Variants in ZMYND8 observed in about 807,000 individuals in gnomAD.
ZMYND8 encodes MYND-type zinc finger-containing chromatin reader ZMYND8.
A neutral mutation model predicts 140.8 loss-of-function variants in ZMYND8; 37 were observed. The observed-to-expected ratio is 0.26, with a 90% CI of 0.20 to 0.35. The LOEUF is 0.35. Among genes scored for constraint, ZMYND8 ranks in the 10% least tolerant of loss-of-function variants. The pLI is 1.00. For missense variants in ZMYND8, 1,068 were observed against 1,570.0 expected (o/e 0.68, Z 5.40); for synonymous variants, 592 against 597.1 (o/e 0.99, Z 0.12).
intron 2 of ZMYND8, among the ~76,000 whole-genome samples, chr20:47,338,429 A>T (rs201652613): frequency 7.4e-6 from 1 of 135,122 alleles, no homozygotes; most frequent in East Asian, 2.0e-4. Context: ...AGGCTGGAGG[A>T]AAAAAAAAAA....
At chr20:47,309,473 CT>C (rs954044763) in intron 3 of ZMYND8, among the ~76,000 whole-genome samples, 7 of 152,062 alleles carry the variant, frequency 4.6e-5, no homozygotes, top group Non-Finnish European at 8.8e-5. Context: ...GCTCAGCTAA[CT>C]TTTTTTGTAT....
At chr20:47,345,735 C>T (rs989435466) in intron 2 of ZMYND8, among the ~76,000 whole-genome samples, 2 of 151,470 alleles carry the variant, frequency 1.3e-5, no homozygotes, top group African/African-American at 2.4e-5. Flanking sequence ...TCTCGAACTC[C>T]TGAGCTCAGA....
chr20:47,258,330 T>C (rs1220385412), intron 12 of ZMYND8, among the ~76,000 whole-genome samples: 1 of 152,270 alleles, frequency 6.6e-6, no homozygotes, highest in African/African-American at 2.4e-5. Flanking sequence ...GGTAACTTGC[T>C]TCTCTGTGCC....
chr20:47,274,228 T>C (rs1477939522), intron 11 of ZMYND8, among the ~76,000 whole-genome samples: 2 of 152,248 alleles, frequency 1.3e-5, no homozygotes, highest in South Asian at 2.1e-4. Context: ...TGGTCATATA[T>C]ATGCCATGTT....
At chr20:47,229,155 T>A (rs540348693) in intron 17 of ZMYND8, among the ~76,000 whole-genome samples, 1 of 151,408 alleles carries the variant, frequency 6.6e-6, no homozygotes, top group South Asian at 2.1e-4. Flanking sequence ...CTTGTTTTTT[T>A]AAAATTTTTG....
At chr20:47,227,092 T>C in intron 18 of ZMYND8, 111 bp downstream of exon 18, 2 of 1,176,114 alleles carry the variant, frequency 1.7e-6, no homozygotes, top group South Asian at 1.3e-5. Context: ...CTACGAGTCA[T>C]ACAATCCTAG....
chr20:47,222,390 G>A (rs112284896), intron 19 of ZMYND8, among the ~76,000 whole-genome samples: 5,050 of 152,282 alleles, frequency 0.033, 283 homozygotes, highest in African/African-American at 0.11. Context: ...CAAAAAATTA[G>A]CCAGGCGTGG....
intron 4 of ZMYND8, 50 bp from the exon 5 acceptor site, chr20:47,294,829 C>A: frequency 6.6e-7 from 1 of 1,522,904 alleles, no homozygotes; most frequent in Non-Finnish European, 9.1e-7. Context: ...AAAGAAATTA[C>A]CATCCATGTA....
At chr20:47,245,193 T>C (rs2040415707) in intron 14 of ZMYND8, among the ~76,000 whole-genome samples, 1 of 152,148 alleles carries the variant, frequency 6.6e-6, no homozygotes, top group Non-Finnish European at 1.5e-5. Context: ...TGGAGATGCC[T>C]AGGTGGCATG....
intron 1 of ZMYND8, chr20:47,349,168 G>A (rs2082578488): frequency 6.6e-6 from 1 of 152,228 alleles, no homozygotes. Flanking sequence ...TCCACGTTAG[G>A]AGGAGAGGAC....
At chr20:47,292,439 G>C in intron 5 of ZMYND8, among the ~76,000 whole-genome samples, 1 of 151,570 alleles carries the variant, frequency 6.6e-6, no homozygotes, top group Non-Finnish European at 1.5e-5. Flanking sequence ...CAAAAAAATT[G>C]TGCAAACCAA....
intron 10 of ZMYND8, among the ~76,000 whole-genome samples, chr20:47,280,638 G>C (rs1398324317): frequency 6.6e-6 from 1 of 152,136 alleles, no homozygotes; most frequent in Non-Finnish European, 1.5e-5. Flanking sequence ...TGTGTCCTAA[G>C]TATATCTACT....
At chr20:47,341,081 G>A (rs1009715451) in intron 2 of ZMYND8, among the ~76,000 whole-genome samples, 1 of 152,206 alleles carries the variant, frequency 6.6e-6, no homozygotes, top group Non-Finnish European at 1.5e-5. Flanking sequence ...TGGAGGAGGA[G>A]GTTACAGAGA....
chr20:47,263,018 CAGG>C (rs1381462385), intron 11 of ZMYND8, among the ~76,000 whole-genome samples: 1 of 152,224 alleles, frequency 6.6e-6, no homozygotes, highest in Non-Finnish European at 1.5e-5. Context: ...CAAACTTTCA[CAGG>C]AGGAGAGAGA....
At chr20:47,296,767 G>GT (rs1331387165) in intron 4 of ZMYND8, among the ~76,000 whole-genome samples, 3 of 152,080 alleles carry the variant, frequency 2.0e-5, no homozygotes, top group Admixed American at 2.0e-4. Context: ...ACCAGCCTAG[G>GT]TAACATAGCA....
At chr20:47,331,271 T>C (rs1311394767) in intron 2 of ZMYND8, among the ~76,000 whole-genome samples, 1 of 152,048 alleles carries the variant, frequency 6.6e-6, no homozygotes, top group Admixed American at 6.5e-5. Flanking sequence ...CAGATAGAGA[T>C]AGTGAGAACA....
At chr20:47,322,624 T>C (rs1210559029) in intron 2 of ZMYND8, among the ~76,000 whole-genome samples, 1 of 151,608 alleles carries the variant, frequency 6.6e-6, no homozygotes, top group Admixed American at 6.6e-5. Flanking sequence ...TTGGCCAGGA[T>C]GGTCTCGATC....
chr20:47,329,742 C>T (rs552573524), intron 2 of ZMYND8, among the ~76,000 whole-genome samples: 2 of 152,260 alleles, frequency 1.3e-5, no homozygotes, highest in South Asian at 2.1e-4. Context: ...CAGCTAGTGG[C>T]GACTGTGTTG....
intron 2 of ZMYND8, among the ~76,000 whole-genome samples, chr20:47,316,931 G>A (rs1203795848): frequency 6.6e-6 from 1 of 152,162 alleles, no homozygotes; most frequent in Non-Finnish European, 1.5e-5. Context: ...GAGCAGTGCT[G>A]GGATTTGAAC....
Sources: gnomAD v4.1 joint callset for allele counts (sites outside exome capture counted in the v4.1 genomes callset) on GRCh38, gnomAD v4.1.1 for gene constraint, MANE v1.5 for transcripts, NCBI Gene and HGNC (gene_info 2026-07-23, HGNC 2026-07-21) for gene names.